The following NFX1 variants were observed in gnomAD, a reference collection of about 807,000 sequenced individuals.
The protein encoded by NFX1 is nuclear transcription factor, X-box binding 1.
NFX1 carries 69 observed loss-of-function variants against 137.2 expected under a neutral mutation model. The observed-to-expected ratio is 0.50, with a 90% confidence interval of 0.41 to 0.61. The LOEUF is 0.61. NFX1 is among the 20% of genes least tolerant of loss of function. The pLI, the probability that NFX1 is intolerant of heterozygous loss-of-function variation, is 0.00. For synonymous variants in NFX1, 495 were observed against 474.1 expected, an observed-to-expected ratio of 1.04 and a Z score of -0.57; for missense variants, 1,167 against 1,391.0, an observed-to-expected ratio of 0.84 and a Z score of 2.56.
Position 33,354,184 on chromosome 9 carries a change from C to G in NFX1, c.2828C>G (p.Ala943Gly). 6.2e-7 allele frequency: 1 copy of G among 1,610,626 alleles called. No individual in the cohort carries two copies. Among genetic ancestry groups the G allele is most frequent in the Non-Finnish European group, 8.5e-7 (1 of 1,178,708 alleles). Residue 943 changes from alanine to glycine, a missense_variant, in exon 18 of 24, where the codon GCC becomes GGC. Around this residue, in one of 3 missense-constraint regions of NFX1, gnomAD observed 312 missense variants for 312.8 expected, o/e 1.00. Transcript: ENST00000379540. ...KLITKKEVHQARLECDEECSA... is the reference protein window; with the variant it reads ...KLITKKEVHQGRLECDEECSA... Reference sequence around the variant, plus strand: ...ATTACCAAAAAGGAAGTTCATCAAGCCAGGTAATTTTTAAAATGCATATAT... The same window carrying G: ...ATTACCAAAAAGGAAGTTCATCAAGGCAGGTAATTTTTAAAATGCATATAT...
intron 14 of NFX1, 91 bp downstream of exon 14, chr9:33,344,279 T>C: frequency 1.9e-6 from 3 of 1,548,842 alleles, no homozygotes; most frequent in East Asian, 2.3e-5. Flanking sequence ...TCTAGAGTCA[T>C]GCTGTGATGG....
chr9:33,368,206 C>T (rs1353149581), intron 23 of NFX1, among the ~76,000 whole-genome samples: 1 of 151,790 alleles, frequency 6.6e-6, no homozygotes, highest in East Asian at 1.9e-4. Flanking sequence ...CTGCACTCCA[C>T]CCTGGGCGAC....
intron 9 of NFX1, among the ~76,000 whole-genome samples, chr9:33,325,898 T>C (rs930166231): frequency 1.3e-5 from 2 of 152,140 alleles, no homozygotes; most frequent in African/African-American, 4.8e-5. Flanking sequence ...TAAAAGGCAG[T>C]ATAAATGCAT....
intron 11 of NFX1, 88 bp downstream of exon 11, chr9:33,332,590 C>T (rs1229934917): frequency 2.1e-6 from 2 of 948,424 alleles, no homozygotes; most frequent in Non-Finnish European, 3.2e-6. Context: ...ATGTATTTGT[C>T]AAAATTCAGT....
chr9:33,367,653 G>C (rs762503027), intron 23 of NFX1, 34 bp downstream of exon 23: 5 of 1,604,322 alleles, frequency 3.1e-6, no homozygotes, highest in Non-Finnish European at 2.6e-6. Context: ...AAGGGGACCT[G>C]TCTGTCCAGA....
intron 19 of NFX1, among the ~76,000 whole-genome samples, chr9:33,361,335 G>A (rs898700982): frequency 6.6e-6 from 1 of 151,954 alleles, no homozygotes; most frequent in African/African-American, 2.4e-5. Context: ...AAATAAAAAT[G>A]GTATATATTT....
intron 5 of NFX1, among the ~76,000 whole-genome samples, chr9:33,307,794 C>CTTTTTTT (rs139468485): frequency 3.5e-5 from 3 of 85,304 alleles, no homozygotes; most frequent in African/African-American, 8.7e-5. Context: ...TTCTTTCTTT[C>CTTTTTTT]TTTTTTTTTT....
chr9:33,342,123 C>T (rs1236921463), intron 12 of NFX1, among the ~76,000 whole-genome samples: 2 of 144,188 alleles, frequency 1.4e-5, no homozygotes, highest in African/African-American at 5.5e-5. Flanking sequence ...CTCTGTCTCT[C>T]TCTCTCACAC....
chr9:33,353,193 T>C (rs1823701420), intron 17 of NFX1, among the ~76,000 whole-genome samples: 1 of 152,224 alleles, frequency 6.6e-6, no homozygotes, highest in Non-Finnish European at 1.5e-5. Flanking sequence ...TTTTCTCTCT[T>C]TTGGTCGTAT....
intron 5 of NFX1, among the ~76,000 whole-genome samples, chr9:33,308,775 T>G (rs1821854362): frequency 1.3e-5 from 2 of 152,218 alleles, no homozygotes; most frequent in African/African-American, 4.8e-5. Context: ...TTCTTACTTT[T>G]ACTACCCAAA....
rs566423513 is a variant in NFX1 at position 33,344,557 on chromosome 9, G to A, written c.2344+369G>A. 2.0e-4 allele frequency among the ~76,000 whole-genome samples: 30 copies of A among 152,204 alleles called. No individual in the cohort carries two copies. The South Asian group carries it at 2.1e-3, about 11-fold the overall frequency. ...GTTATAGAAGCAATATATATTTATC[G>A]TATTAAAATTAAGAAAATAGAGGCC... On this transcript the variant is annotated intron_variant, in intron 14 of 23. Transcript: ENST00000379540.
chr9:33,324,005 A>T (rs895636058), intron 9 of NFX1, among the ~76,000 whole-genome samples: 1 of 152,128 alleles, frequency 6.6e-6, no homozygotes, highest in Non-Finnish European at 1.5e-5. Context: ...GCTTTGAGAG[A>T]TGGAGGCAGG....
In NFX1 at chr9:33,318,819, G is replaced by C; in HGVS notation, c.1677G>C (p.Lys559Asn). Residue 559 changes from lysine to asparagine, a missense_variant, in exon 8 of 24, where the codon AAG (lysine) becomes AAC (asparagine). Coordinates refer to ENST00000379540, the MANE Select transcript of NFX1 (RefSeq NM_002504.6). ...SDGFGDFSCL[K>N]ICGKDLKCGN... ...GATTTGGGGATTTCAGCTGTTTAAA[G>C]ATATGTGGCAAGTAAGGTTTTACGT... 1 of 1,614,218 alleles carries C rather than the reference G, an allele frequency of 6.2e-7. No homozygotes were observed. The highest frequency in any genetic ancestry group is 8.5e-7 in the Non-Finnish European group (1 of 1,180,028).
At chr9:33,338,466 AT>A in intron 11 of NFX1, 43 bp from the exon 12 acceptor site, 1 of 1,530,158 alleles carries the variant, frequency 6.5e-7, no homozygotes, top group Non-Finnish European at 9.0e-7. Flanking sequence ...GAATGTTCAT[AT>A]CCTTTGTCTG....
At position 33,311,149 on chromosome 9, in the gene NFX1, A is replaced by T. The variant is rs370855733; in HGVS notation, c.1420A>T (p.Thr474Ser). Residue 474 changes from threonine (T) to serine (S), a missense_variant, in exon 6 of 24, where the codon ACA becomes TCA. Around this residue, in one of 3 missense-constraint regions of NFX1, gnomAD observed 488 missense variants for 691.5 expected, o/e 0.71. Transcript: ENST00000379540. ...GPCPPCPAFM[T>S]KTCECGRTRH... ...CTGCCCACCCTGCCCTGCCTTTATG[A>T]CAAAAACATGTGAATGTGGACGAAC... is the stretch of plus-strand genomic sequence containing the variant. 7 of 1,613,940 alleles carry T rather than the reference A, an allele frequency of 4.3e-6. No homozygotes were observed. The African/African-American group carries it at 5.3e-5, about 12-fold the overall frequency.
chr9:33,344,532 G>A (rs1823342601), intron 14 of NFX1, among the ~76,000 whole-genome samples: 1 of 152,130 alleles, frequency 6.6e-6, no homozygotes. Context: ...CTTTTTTGTT[G>A]TTATAGAAGC....
At chr9:33,347,612 A>C in intron 15 of NFX1, 1 of 318,926 alleles carries the variant, frequency 3.1e-6, no homozygotes, top group South Asian at 2.6e-5. Flanking sequence ...CACTGTGGAA[A>C]ACTGTGGAGA....
intron 21 of NFX1, 72 bp downstream of exon 21, chr9:33,364,846 C>T: frequency 6.3e-7 from 1 of 1,583,228 alleles, no homozygotes. Context: ...CAATCAAGTC[C>T]TGGAAACACT....
chr9:33,328,098 C>T (rs532223590), intron 9 of NFX1, among the ~76,000 whole-genome samples: 2 of 152,202 alleles, frequency 1.3e-5, no homozygotes, highest in African/African-American at 4.8e-5. Flanking sequence ...GTAGCCTCAA[C>T]GTCCCATGCT....
Sources: allele counts gnomAD v4.1 joint callset (sites outside exome capture counted in the v4.1 genomes callset), GRCh38; gene constraint gnomAD v4.1.1; regional missense constraint gnomAD v4.1.1; transcripts MANE v1.5; gene names NCBI Gene and HGNC (gene_info 2026-07-23, HGNC 2026-07-21).